HHATL: variants seen among roughly 807,000 people sequenced by gnomAD.
HHATL encodes the protein protein-cysteine N-palmitoyltransferase HHAT-like protein.
A neutral mutation model predicts 59.7 loss-of-function variants in HHATL; 49 were observed. The ratio of observed to expected loss-of-function variants is 0.82; its 90% CI spans 0.65 to 1.04. HHATL has a LOEUF of 1.04. Among genes scored for constraint, HHATL ranks in the 50% least tolerant of loss-of-function variants. The pLI is 0.00. For synonymous variants in HHATL, 238 were observed against 257.3 expected, an observed-to-expected ratio of 0.93 and a Z score of 0.72; for missense variants, 605 against 650.8, an observed-to-expected ratio of 0.93 and a Z score of 0.77.
chr3:42,698,075 G>A (rs1471812739), intron 6 of HHATL, 67 bp downstream of exon 6: 11 of 1,484,318 alleles, frequency 7.4e-6, no homozygotes, highest in Middle Eastern at 1.7e-4. Flanking sequence ...TTCTATCTGA[G>A]ATGGAAACCC....
Position 42,700,258 on chromosome 3 carries a change from G to A in HHATL, c.107-433C>T, listed in dbSNP as rs546618206. ...TGCATCCAGGTCTCTCTCTGTGTGT[G>A]TGTGTCTGGGTCCAGGTCTCTGTGT... On this transcript the variant is annotated intron_variant, in intron 2 of 11. Transcript: ENST00000441594. Among the ~76,000 whole-genome samples, 6 of 150,796 alleles carry A rather than the reference G, an allele frequency of 4.0e-5. No individual in the cohort carries two copies. In the South Asian group the frequency reaches 6.3e-4, roughly 16 times the overall value.
chr3:42,697,237 C>A (rs561990643), intron 7 of HHATL, 92 bp from the exon 8 acceptor site: 29 of 1,439,036 alleles, frequency 2.0e-5, no homozygotes, highest in Admixed American at 1.7e-4. Flanking sequence ...GGGGAGACAC[C>A]AGGCTCTGCC....
chr3:42,697,902 A>G (rs1697709880), intron 6 of HHATL, among the ~76,000 whole-genome samples: 3 of 152,184 alleles, frequency 2.0e-5, no homozygotes, highest in Admixed American at 2.0e-4. Flanking sequence ...GGAAGGGAAC[A>G]TTCGTGGCCT....
At chr3:42,693,961 C>T in intron 9 of HHATL, 143 bp from the exon 10 acceptor site, 1 of 650,298 alleles carries the variant, frequency 1.5e-6, no homozygotes, top group East Asian at 2.7e-5. Context: ...GCAGCTCCTC[C>T]TCCAACCAAC....
rs1267855721 is a variant in HHATL at position 42,697,452 on chromosome 3, A to G, written c.865+56T>C. ...TGACTGTGGCACCGTGGGGGTGCAGAGGGTCTGTTTTCCTGGGGCGGCAGC... is the reference window on the plus strand; with the variant it reads ...TGACTGTGGCACCGTGGGGGTGCAGGGGGTCTGTTTTCCTGGGGCGGCAGC... On this transcript the variant is annotated intron_variant, in intron 7 of 11. Coordinates refer to ENST00000441594, the MANE Select transcript of HHATL (RefSeq NM_020707.4). 1.2e-5 allele frequency: 18 copies of G among 1,563,094 alleles called. No homozygotes were observed. In the African/African-American group the frequency reaches 1.6e-4, roughly 14 times the overall value.
At chr3:42,696,252 G>A (rs899473502) in intron 9 of HHATL, among the ~76,000 whole-genome samples, 1 of 152,052 alleles carries the variant, frequency 6.6e-6, no homozygotes, top group African/African-American at 2.4e-5. Flanking sequence ...CCTTTCTGCT[G>A]GCTCCTTTTC....
intron 6 of HHATL, 57 bp downstream of exon 6, chr3:42,698,085 C>T (rs1697720173): frequency 6.5e-7 from 1 of 1,531,172 alleles, no homozygotes; most frequent in South Asian, 1.1e-5. Context: ...GATGGAAACC[C>T]CAATCTGAAA....
In HHATL at chr3:42,699,067, G is replaced by A. The variant is rs1211309512; in HGVS notation, c.253C>T (p.Leu85=). The change falls in exon 4 of 12, where the codon CTG becomes TTG. Residue 85 remains leucine (L), a synonymous_variant. Coordinates refer to ENST00000441594, the MANE Select transcript of HHATL (RefSeq NM_020707.4). ...ACCATCGTGCAGAGTTTAGCAAACA[G>A]CACATGTCCGGAGAGGGCAAAGATG... ...VIIFALSGHV[L]FAKLCTMVAP... 2.5e-6 allele frequency: 4 copies of A among 1,614,056 alleles called. No homozygotes were observed. The highest frequency in any genetic ancestry group is 3.3e-5 in the Admixed American group (2 of 60,004).
rs551431803 is a variant in HHATL at position 42,699,024 on chromosome 3, C to T, written c.288+8G>A. On this transcript the variant is annotated splice_region_variant and intron_variant, in intron 4 of 11. Transcript: ENST00000441594. ...AGGGAGAGGCTGGGTGGCCCAGGTCCAGCTCACCTTTGGGGCAACCATCGT... is the reference window on the plus strand; with the variant it reads ...AGGGAGAGGCTGGGTGGCCCAGGTCTAGCTCACCTTTGGGGCAACCATCGT... 6.2e-7 allele frequency: 1 copy of T among 1,613,710 alleles called. No homozygotes were observed. Among genetic ancestry groups the T allele is most frequent in the East Asian group, 2.2e-5 (1 of 44,878 alleles).
Position 42,697,491 on chromosome 3 carries a change from C to A in HHATL, c.865+17G>T. 6.2e-7 allele frequency: 1 copy of A among 1,608,208 alleles called. No individual in the cohort carries two copies. The highest frequency in any genetic ancestry group is 8.5e-7 in the Non-Finnish European group (1 of 1,175,948). ...TGGGGCGGCAGCCCTGCCCCCATTT[C>A]TCTTCTGTGGACCCACCGAGGGCAC... is the stretch of plus-strand genomic sequence containing the variant. On this transcript the variant is annotated intron_variant, in intron 7 of 11. Transcript: ENST00000441594.
intron 11 of HHATL, 43 bp downstream of exon 11, chr3:42,693,034 T>C: frequency 6.2e-7 from 1 of 1,611,298 alleles, no homozygotes; most frequent in Non-Finnish European, 8.5e-7. Flanking sequence ...TCCTTGAGGC[T>C]GATGCCTGGC....
At position 42,701,652 on chromosome 3, in the gene HHATL, C is replaced by T. The variant is rs9838388; in HGVS notation, c.-13-813G>A. The T allele has an allele frequency of 0.32, 48,888 of 152,246 alleles. 8,231 individuals carry two copies. Among genetic ancestry groups the T allele is most frequent in the African/African-American group, 0.42 (17,510 of 41,476 alleles). 9.4% of individuals were successfully genotyped at this position (152,246 alleles called of 1,614,324 possible). On this transcript the variant is annotated intron_variant, in intron 1 of 11. Transcript: ENST00000441594. The surrounding 1 kb of genome is among the most constrained non-coding windows in gnomAD (Gnocchi z 5.1). ...GGTGCTGACCAGAATCAGGCCCCGGCTGAGTCTCACCACTCCCTCCAGCGG... is the reference window on the plus strand; with the variant it reads ...GGTGCTGACCAGAATCAGGCCCCGGTTGAGTCTCACCACTCCCTCCAGCGG...
At position 42,697,560 on chromosome 3, in the gene HHATL, G is replaced by A. The variant is rs779196991; in HGVS notation, c.813C>T (p.Leu271=). ...VDIFFHFFYI[L]TIPSDLKFAN... The stretch of plus-strand genomic sequence containing the variant: ...CGAACTTGAGGTCGCTGGGGATAGT[G>A]AGGATGTAGAAGAAGTGAAAGAAGA... The change falls in exon 7 of 12, where the codon CTC becomes CTT. Residue 271 remains leucine (L), a synonymous_variant. Transcript: ENST00000441594. 4.3e-6 allele frequency: 7 copies of A among 1,614,028 alleles called. No individual in the cohort carries two copies. The highest frequency in any genetic ancestry group is 2.2e-5 in the South Asian group (2 of 91,088).
At chr3:42,694,084 T>C (rs563690563) in intron 9 of HHATL, 11 of 520,372 alleles carry the variant, frequency 2.1e-5, no homozygotes, top group African/African-American at 1.3e-4. Flanking sequence ...TCTATGACGA[T>C]GACCCCTAAA....
rs749157542 is a variant in HHATL, at chr3:42,697,681, T to G, written c.694-2A>C. On this transcript the variant is annotated splice_acceptor_variant, in intron 6 of 11. Coordinates refer to ENST00000441594, the MANE Select transcript of HHATL (RefSeq NM_020707.4). LOFTEE classifies it high-confidence loss of function. ...TCTCACTGGCTCCACCTGGCTCACC[T>G]GGGGGGATGCGAAGGGTCTGAGGGA... is the stretch of plus-strand genomic sequence containing the variant. 1.9e-6 allele frequency: 3 copies of G among 1,612,498 alleles called. No individual in the cohort carries two copies. The Admixed American group carries it at 5.0e-5, about 27-fold the overall frequency.
rs1437823247 is a variant in HHATL, at chr3:42,698,597, A to C, written c.483+111T>G. On this transcript the variant is annotated intron_variant, in intron 5 of 11. Coordinates refer to ENST00000441594, the MANE Select transcript of HHATL (RefSeq NM_020707.4). ...AGGACATACCCAAAGGCTTGAAGAC[A>C]GGTGGAAAGTGAAGGGAATACTTGG... is the stretch of plus-strand genomic sequence containing the variant. 3.0e-6 allele frequency: 4 copies of C among 1,311,604 alleles called. No homozygotes were observed. The African/African-American group carries it at 4.4e-5, about 15-fold the overall frequency. 81.2% of individuals were successfully genotyped at this position (1,311,604 alleles called of 1,614,324 possible). A position where few individuals can be genotyped will look rare whatever the true frequency, so the allele number is the denominator to read the frequency against.
chr3:42,696,920 A>T (rs1697638100), intron 8 of HHATL, 43 bp from the exon 9 acceptor site: 1 of 1,613,966 alleles, frequency 6.2e-7, no homozygotes, highest in South Asian at 1.1e-5. Flanking sequence ...TCAGGCGCAG[A>T]GCTCCCCAGG....
chr3:42,699,700 C>G, intron 3 of HHATL, 58 bp downstream of exon 3: 1 of 1,416,764 alleles, frequency 7.1e-7, no homozygotes, highest in Non-Finnish European at 9.7e-7. Flanking sequence ...ACATCTGGAA[C>G]AGCAGAGAGC....
At chr3:42,695,925 A>T (rs944709377) in intron 9 of HHATL, among the ~76,000 whole-genome samples, 39 of 151,856 alleles carry the variant, frequency 2.6e-4, no homozygotes, top group African/African-American at 9.2e-4. Flanking sequence ...AGCATGTCCC[A>T]TTCTCTCCTA....
Sources: allele counts gnomAD v4.1 joint callset (sites outside exome capture counted in the v4.1 genomes callset), GRCh38; gene constraint gnomAD v4.1.1; non-coding constraint Gnocchi (gnomAD v3.1); transcripts MANE v1.5; gene names NCBI Gene and HGNC (gene_info 2026-07-23, HGNC 2026-07-21).